The following VPS8 variants were observed in gnomAD, a reference collection of about 807,000 sequenced individuals.
VPS8 encodes VPS8 subunit of CORVET complex, also known as vacuolar protein sorting-associated protein 8 homolog.
In VPS8, 129 loss-of-function variants were observed where a neutral mutation model predicts 216.4. That is an observed-to-expected ratio of 0.60 (90% CI 0.52 to 0.69). The LOEUF is 0.69. Ranked by LOEUF, VPS8 falls within the 30% of genes least tolerant of loss-of-function variation. The pLI is 0.00. For synonymous variants in VPS8, 571 were observed against 565.4 expected, an observed-to-expected ratio of 1.01 and a Z score of -0.14; for missense variants, 1,531 against 1,683.5, an observed-to-expected ratio of 0.91 and a Z score of 1.59.
chr3:184,996,215 T>C, intron 43 of VPS8, 117 bp from the exon 44 acceptor site: 1 of 1,243,714 alleles, frequency 8.0e-7, no homozygotes, highest in Non-Finnish European at 1.1e-6. Flanking sequence ...TATAGTGTGT[T>C]TCAATTTTAG....
At chr3:184,936,152 G>T in intron 34 of VPS8, 94 bp from the exon 35 acceptor site, 1 of 1,017,586 alleles carries the variant, frequency 9.8e-7, no homozygotes, top group South Asian at 1.6e-5. Context: ...GGAAGCTTGC[G>T]ACTGTATTGA....
At chr3:184,869,619 T>A in intron 20 of VPS8, 91 bp downstream of exon 20, 2 of 1,291,800 alleles carry the variant, frequency 1.5e-6, no homozygotes, top group Non-Finnish European at 2.2e-6. Flanking sequence ...GATAAATGGC[T>A]ACAATCTAGA....
chr3:184,949,878 TTTG>T (rs71162269), intron 36 of VPS8, among the ~76,000 whole-genome samples: 77 of 150,650 alleles, frequency 5.1e-4, no homozygotes, highest in African/African-American at 1.4e-3. Flanking sequence ...AATAGGGGTT[TTTG>T]TTGTTGTTGT....
intron 47 of VPS8, among the ~76,000 whole-genome samples, chr3:185,050,123 A>AATT (rs1553916150): frequency 1.4e-4 from 19 of 139,398 alleles, no homozygotes; most frequent in East Asian, 4.2e-4. Context: ...CTGGGAAATA[A>AATT]TTTTTTTTTT....
At chr3:184,926,547 A>G in intron 30 of VPS8, 47 bp from the exon 31 acceptor site, 1 of 1,522,878 alleles carries the variant, frequency 6.6e-7, no homozygotes, top group East Asian at 2.4e-5. Context: ...GAGAGTATTA[A>G]TGTCTAGATG....
At chr3:184,982,380 T>G in intron 40 of VPS8, 186 bp from the exon 41 acceptor site, 1 of 561,620 alleles carries the variant, frequency 1.8e-6, no homozygotes, top group East Asian at 3.0e-5. Flanking sequence ...GTTTCTGCTT[T>G]GTATTGTCTT....
At chr3:184,838,689 A>C in intron 5 of VPS8, 25 bp from the exon 6 acceptor site, 1 of 1,526,694 alleles carries the variant, frequency 6.6e-7, no homozygotes, top group Non-Finnish European at 8.8e-7. Flanking sequence ...TATTTTTCAA[A>C]TACTTTCTTT....
At chr3:184,996,278 C>G in intron 43 of VPS8, 54 bp from the exon 44 acceptor site, 1 of 1,517,352 alleles carries the variant, frequency 6.6e-7, no homozygotes, top group Non-Finnish European at 8.8e-7. Context: ...TCTCCTCTAT[C>G]TCTTTCATCT....
At position 184,860,009 on chromosome 3, in the gene VPS8, A is replaced by G. The variant is rs768423712; in HGVS notation, c.1168A>G (p.Ile390Val). ...LLVKRDESGA[I>V]HVTKQKHLHL... ...GGTAAAGAGAGATGAATCTGGAGCA[A>G]TACATGTTACTAAGCAAAAGCATCT... Residue 390 changes from isoleucine to valine, a missense_variant, in exon 15 of 48, where the codon ATA becomes GTA. Physicochemically the swap from Ile to Val is conservative, Grantham distance 29 (BLOSUM62 3). Transcript: ENST00000625842. 1 of 1,613,398 alleles carries G rather than the reference A, an allele frequency of 6.2e-7. No individual in the cohort carries two copies. The highest frequency in any genetic ancestry group is 1.1e-5 in the South Asian group (1 of 90,992).
intron 47 of VPS8, 69 bp downstream of exon 47, chr3:185,048,628 T>A: frequency 6.5e-7 from 1 of 1,547,668 alleles, no homozygotes; most frequent in Admixed American, 1.7e-5. Context: ...ACAGGCAGTG[T>A]CTTGGAACCT....
chr3:184,866,660 G>A (rs552008573), intron 16 of VPS8, among the ~76,000 whole-genome samples: 33 of 152,084 alleles, frequency 2.2e-4, no homozygotes, highest in African/African-American at 7.2e-4. Flanking sequence ...AGTATGTAGC[G>A]CTGGGATGTA....
At chr3:185,022,534 AATGT>A (rs1216922519) in intron 45 of VPS8, among the ~76,000 whole-genome samples, 3 of 152,142 alleles carry the variant, frequency 2.0e-5, no homozygotes, top group African/African-American at 7.2e-5. Flanking sequence ...GTTTTTAATG[AATGT>A]ATCCTTTCAT....
At chr3:184,813,181 GC>G (rs1715537034) in intron 1 of VPS8, among the ~76,000 whole-genome samples, 1 of 152,076 alleles carries the variant, frequency 6.6e-6, no homozygotes, top group African/African-American at 2.4e-5. Flanking sequence ...TAGCTGGGGA[GC>G]CTTCTTTAAA....
chr3:185,038,495 T>C (rs1759203407), intron 46 of VPS8, among the ~76,000 whole-genome samples: 2 of 152,230 alleles, frequency 1.3e-5, no homozygotes, highest in South Asian at 4.1e-4. Context: ...TTCTGCAAAG[T>C]AGCCAGCCTG....
intron 5 of VPS8, among the ~76,000 whole-genome samples, chr3:184,836,059 C>T (rs1439167965): frequency 2.0e-5 from 3 of 152,058 alleles, no homozygotes; most frequent in Non-Finnish European, 2.9e-5. Context: ...TTACAAGATA[C>T]CACAATTGCA....
intron 14 of VPS8, among the ~76,000 whole-genome samples, chr3:184,858,618 G>A (rs545862004): frequency 6.6e-6 from 1 of 152,220 alleles, no homozygotes; most frequent in Non-Finnish European, 1.5e-5. Flanking sequence ...AGAGCAATGA[G>A]CAGGAACATG....
intron 24 of VPS8, among the ~76,000 whole-genome samples, chr3:184,898,938 C>G (rs1733995905): frequency 6.6e-6 from 1 of 151,958 alleles, no homozygotes; most frequent in Non-Finnish European, 1.5e-5. Flanking sequence ...ACATGTTTTT[C>G]TCCTAAGAAT....
At chr3:184,835,573 A>T (rs1484889857) in intron 5 of VPS8, among the ~76,000 whole-genome samples, 2 of 152,322 alleles carry the variant, frequency 1.3e-5, no homozygotes, top group East Asian at 1.9e-4. Context: ...TCTGAGTACA[A>T]TGTACAGATT....
intron 35 of VPS8, among the ~76,000 whole-genome samples, chr3:184,937,344 G>A (rs1036583898): frequency 1.3e-5 from 2 of 152,136 alleles, no homozygotes; most frequent in African/African-American, 4.8e-5. Context: ...AATAGTGGTT[G>A]GGAATAGCTG....
Sources: allele counts gnomAD v4.1 joint callset (sites outside exome capture counted in the v4.1 genomes callset), GRCh38; gene constraint gnomAD v4.1.1; transcripts MANE v1.5; gene names NCBI Gene and HGNC (gene_info 2026-07-23, HGNC 2026-07-21).